SLC39A10: variants seen among roughly 807,000 people sequenced by gnomAD.
SLC39A10 encodes solute carrier family 39 member 10.
Under a neutral mutation model 65.1 loss-of-function variants are expected in SLC39A10, and 13 were observed. That is an observed-to-expected ratio of 0.20 (90% CI 0.13 to 0.32). The LOEUF is 0.32. SLC39A10 is among the 10% of genes least tolerant of loss of function. SLC39A10 has a pLI of 1.00. For missense variants in SLC39A10, 831 were observed against 1,018.4 expected (o/e 0.82, Z 2.50); for synonymous variants, 321 against 342.2 (o/e 0.94, Z 0.68).
chr2:195,626,974 C>T (rs911304231), intron 2 of SLC39A10, among the ~76,000 whole-genome samples: 4 of 152,132 alleles, frequency 2.6e-5, no homozygotes, highest in Admixed American at 6.6e-5. Context: ...CTTCCCATAT[C>T]CCTTGGCTGT....
rs1408047505 is a variant in SLC39A10, at chr2:195,728,397, A to G, written c.2337+48A>G. On this transcript the variant is annotated intron_variant, in intron 9 of 9. Coordinates refer to ENST00000359634, the MANE Select transcript of SLC39A10 (RefSeq NM_020342.3). This position sits in a 1 kb window ranked among gnomAD's most constrained non-coding sequence, Gnocchi z 4.4. ...GTGGTACTAAACCTGCAAATGAAAG[A>G]AATCCTTGGAAGTGGTTTGAAGCCA... is the stretch of plus-strand genomic sequence containing the variant. 2 of 1,533,988 alleles carry G rather than the reference A, an allele frequency of 1.3e-6. No homozygotes were observed. The highest frequency in any genetic ancestry group is 1.8e-5 in the Admixed American group (1 of 54,600).
rs988245064 is a variant in SLC39A10 at position 195,708,823 on chromosome 2, T to A, written c.1554T>A (p.Phe518Leu). Residue 518 changes from phenylalanine (F) to leucine (L), a missense_variant, in exon 5 of 10, where the codon TTT becomes TTA. Transcript: ENST00000359634. ...LFIIEHCIRM[F>L]KHYKQQRGKQ... The stretch of plus-strand genomic sequence containing the variant: ...TCATTGAACACTGCATTAGAATGTT[T>A]AAGCACTACAAACAACAAAGAGTAA... 6.2e-7 allele frequency: 1 copy of A among 1,608,620 alleles called. No homozygotes were observed. The highest frequency in any genetic ancestry group is 8.5e-7 in the Non-Finnish European group (1 of 1,178,160).
chr2:195,705,241 T>C (rs572580900), intron 3 of SLC39A10, among the ~76,000 whole-genome samples: 1 of 152,324 alleles, frequency 6.6e-6, no homozygotes, highest in South Asian at 2.1e-4. Context: ...CCAAATCTAG[T>C]GGGTAGATCC....
chr2:195,617,578 T>C (rs72929755), intron 2 of SLC39A10, among the ~76,000 whole-genome samples: 36,090 of 150,822 alleles, frequency 0.24, 4,679 homozygotes, highest in African/African-American at 0.33. Flanking sequence ...AAAAAGAAAG[T>C]TAACTGAGAT....
At chr2:195,638,939 G>T (rs1574211366) in intron 2 of SLC39A10, among the ~76,000 whole-genome samples, 1 of 147,052 alleles carries the variant, frequency 6.8e-6, no homozygotes, top group Non-Finnish European at 1.5e-5. Context: ...CTTGTTTTTT[G>T]ATGACCTTGG....
chr2:195,654,256 T>C (rs1254354194), upstream of SLC39A10, among the ~76,000 whole-genome samples: 1 of 152,216 alleles, frequency 6.6e-6, no homozygotes, highest in African/African-American at 2.4e-5. Context: ...TCATGTTCTT[T>C]ATAGATTTCA....
chr2:195,661,613 A>G (rs999084164), intron 1 of SLC39A10, among the ~76,000 whole-genome samples: 1 of 152,228 alleles, frequency 6.6e-6, no homozygotes, highest in Non-Finnish European at 1.5e-5. Flanking sequence ...AAAACAGGAC[A>G]CAATTCATTG....
In SLC39A10 at chr2:195,737,508, G is replaced by A; in HGVS notation, c.*2467G>A. On this transcript the variant is annotated 3_prime_UTR_variant, in exon 10 of 10. Transcript: ENST00000359634. ...AGTCAGTGGCTTAAATGTGATTATG[G>A]TCCTGCAAGGTGATTCTTGCTAAAA... 1 of 169,630 alleles carries A rather than the reference G, an allele frequency of 5.9e-6. No individual in the cohort carries two copies. The highest frequency in any genetic ancestry group is 1.4e-4 in the South Asian group (1 of 7,236). 10.5% of individuals were successfully genotyped at this position (169,630 alleles called of 1,614,324 possible).
intron 2 of SLC39A10, among the ~76,000 whole-genome samples, chr2:195,643,285 G>A (rs960546370): frequency 6.6e-6 from 1 of 152,164 alleles, no homozygotes; most frequent in African/African-American, 2.4e-5. Flanking sequence ...TTGAACAAGT[G>A]GGTCAAATTA....
Position 195,721,337 on chromosome 2 carries a change from A to G in SLC39A10, c.2146+3005A>G, listed in dbSNP as rs538767502. On this transcript the variant is annotated intron_variant, in intron 8 of 9. Coordinates refer to ENST00000359634, the MANE Select transcript of SLC39A10 (RefSeq NM_020342.3). ...GTTACATGTTTTTCATTTCAACTAA[A>G]TGCAATTCACCAAATGTGTAGTGTG... is the stretch of plus-strand genomic sequence containing the variant. Among the ~76,000 whole-genome samples the G allele has an allele frequency of 1.1e-3, 165 of 152,292 alleles. 2 individuals carry two copies. Among genetic ancestry groups the G allele is most frequent in the African/African-American group, 3.8e-3 (157 of 41,560 alleles).
chr2:195,626,851 G>A (rs1326161482), intron 2 of SLC39A10, among the ~76,000 whole-genome samples: 1 of 152,102 alleles, frequency 6.6e-6, no homozygotes, highest in Non-Finnish European at 1.5e-5. Context: ...TTTCTATATA[G>A]AGTTCCTCAT....
At chr2:195,621,347 T>C (rs1344475740) in intron 2 of SLC39A10, among the ~76,000 whole-genome samples, 1 of 152,224 alleles carries the variant, frequency 6.6e-6, no homozygotes, top group East Asian at 1.9e-4. Flanking sequence ...CAAAAGTACA[T>C]GTTGAAAAAT....
At chr2:195,727,197 G>C (rs1004420064) in intron 8 of SLC39A10, among the ~76,000 whole-genome samples, 1 of 151,932 alleles carries the variant, frequency 6.6e-6, no homozygotes, top group Non-Finnish European at 1.5e-5. Flanking sequence ...TATTTGGAGG[G>C]AGGGGGTGGC....
At chr2:195,673,776 G>T (rs965094340) in intron 1 of SLC39A10, among the ~76,000 whole-genome samples, 2 of 152,302 alleles carry the variant, frequency 1.3e-5, no homozygotes, top group East Asian at 3.9e-4. Context: ...ACTGATGCAG[G>T]TTATGTGGTA....
intron 2 of SLC39A10, among the ~76,000 whole-genome samples, chr2:195,617,678 C>T (rs1002773931): frequency 3.7e-5 from 5 of 134,266 alleles, no homozygotes; most frequent in African/African-American, 1.4e-4. Flanking sequence ...CAAGACCAGC[C>T]TAGGCAACAT....
chr2:195,655,426 G>A (rs976683520), upstream of SLC39A10, among the ~76,000 whole-genome samples: 26 of 152,086 alleles, frequency 1.7e-4, no homozygotes, highest in African/African-American at 6.3e-4. Flanking sequence ...TTGAAAGAAA[G>A]GTTATGTATG....
intron 1 of SLC39A10, among the ~76,000 whole-genome samples, chr2:195,672,938 C>T (rs1447372184): frequency 1.3e-5 from 2 of 152,156 alleles, no homozygotes; most frequent in African/African-American, 4.8e-5. Flanking sequence ...TCTTCCTTTG[C>T]TTAACAGTGG....
At chr2:195,705,154 T>C (rs539006491) in intron 3 of SLC39A10, among the ~76,000 whole-genome samples, 1 of 152,320 alleles carries the variant, frequency 6.6e-6, no homozygotes, top group Non-Finnish European at 1.5e-5. Flanking sequence ...GTAATAAATA[T>C]GATCCTGGTT....
intron 2 of SLC39A10, among the ~76,000 whole-genome samples, chr2:195,650,024 A>G (rs1488631992): frequency 6.6e-6 from 1 of 152,250 alleles, no homozygotes; most frequent in Non-Finnish European, 1.5e-5. Context: ...ATAAATAGGT[A>G]ATACAACTGT....
Sources: gnomAD v4.1 joint callset for allele counts (sites outside exome capture counted in the v4.1 genomes callset) on GRCh38, gnomAD v4.1.1 for gene constraint, Gnocchi (gnomAD v3.1) non-coding constraint, MANE v1.5 for transcripts, NCBI Gene and HGNC (gene_info 2026-07-23, HGNC 2026-07-21) for gene names.